The following TRPM3 variants were observed in gnomAD, a reference collection of about 807,000 sequenced individuals.
TRPM3 encodes transient receptor potential cation channel subfamily M member 3, also known as long transient receptor potential channel 3.
Under a neutral mutation model 181.2 loss-of-function variants are expected in TRPM3, and 77 were observed. That is an observed-to-expected ratio of 0.42 (90% CI 0.35 to 0.51). The LOEUF is 0.51. TRPM3 is among the 20% of genes least tolerant of loss of function. TRPM3 has a pLI of 0.01. For missense variants in TRPM3, 1,759 were observed against 2,196.7 expected (o/e 0.80, Z 3.98); for synonymous variants, 745 against 796.4 (o/e 0.94, Z 1.09).
intron 9 of TRPM3, among the ~76,000 whole-genome samples, chr9:70,669,073 G>A (rs1281519896): frequency 6.6e-6 from 1 of 152,214 alleles, no homozygotes; most frequent in Non-Finnish European, 1.5e-5. Context: ...TGAGGCACGA[G>A]AAAGTCACAG....
chr9:71,280,078 CAAAA>C (rs36019274), intron 1 of TRPM3, among the ~76,000 whole-genome samples: 1 of 105,730 alleles, frequency 9.5e-6, no homozygotes. Flanking sequence ...AACTCCATCT[CAAAA>C]AAAAAAAAAA....
rs939728189 is a variant in TRPM3, at chr9:70,697,488, T to C, written c.1273-15910A>G. Among the ~76,000 whole-genome samples the C allele has an allele frequency of 4.6e-5, 7 of 152,328 alleles. 1 individual carries two copies. Among genetic ancestry groups the C allele is most frequent in the Admixed American group, 4.6e-4 (7 of 15,298 alleles). ...TATCACTGAATAGTTGAGTTTATTC[T>C]CATTATTATTATGCCCATTGCACAA... On this transcript the variant is annotated intron_variant, in intron 8 of 25. Transcript: ENST00000677713.
chr9:71,272,477 T>C (rs1160856287), intron 1 of TRPM3, among the ~76,000 whole-genome samples: 1 of 152,204 alleles, frequency 6.6e-6, no homozygotes, highest in Non-Finnish European at 1.5e-5. Context: ...AGCTCATTTA[T>C]AAATTTATTC....
At chr9:71,193,935 C>T (rs572219773) in intron 1 of TRPM3, among the ~76,000 whole-genome samples, 8 of 151,940 alleles carry the variant, frequency 5.3e-5, no homozygotes, top group South Asian at 2.1e-4. Flanking sequence ...GATCACTCAG[C>T]GTGCACCCAA....
intron 1 of TRPM3, among the ~76,000 whole-genome samples, chr9:71,283,539 C>G (rs1279929518): frequency 6.6e-6 from 1 of 152,128 alleles, no homozygotes; most frequent in Admixed American, 6.5e-5. Flanking sequence ...CTCCTGACCT[C>G]GTGATCCCCC....
rs1764125037 is a variant in TRPM3 at position 71,034,851 on chromosome 9, C to T, written c.177+86327G>A. Reference sequence around the variant, plus strand: ...TTCAGTGTGATGTATATATGTATGTCCATATATATGTATATATGTATACAT... The same window carrying T: ...TTCAGTGTGATGTATATATGTATGTTCATATATATGTATATATGTATACAT... On this transcript the variant is annotated intron_variant, in intron 1 of 25. Coordinates refer to ENST00000677713, the MANE Select transcript of TRPM3 (RefSeq NM_001366145.2). Among the ~76,000 whole-genome samples the T allele has an allele frequency of 2.0e-5, 3 of 150,860 alleles. No homozygotes were observed. In the South Asian group the frequency reaches 6.3e-4, roughly 32 times the overall value.
chr9:71,284,873 G>A (rs1044719131), intron 1 of TRPM3, among the ~76,000 whole-genome samples: 3 of 152,146 alleles, frequency 2.0e-5, no homozygotes, highest in Non-Finnish European at 4.4e-5. Context: ...CTATTCCTAA[G>A]AAAGAATTGT....
intron 9 of TRPM3, among the ~76,000 whole-genome samples, chr9:70,669,480 C>A (rs1470203265): frequency 2.6e-5 from 4 of 152,048 alleles, no homozygotes; most frequent in African/African-American, 9.7e-5. Context: ...GAGTCCAGGC[C>A]CCATTCTCTC....
At chr9:71,347,613 C>T (rs564569871) in intron 1 of TRPM3, among the ~76,000 whole-genome samples, 1 of 152,120 alleles carries the variant, frequency 6.6e-6, no homozygotes, top group African/African-American at 2.4e-5. Flanking sequence ...TGTAATTTAA[C>T]ACGATATTTA....
chr9:71,431,405 T>A (rs1418257035), intron 1 of TRPM3, among the ~76,000 whole-genome samples: 1 of 152,184 alleles, frequency 6.6e-6, no homozygotes, highest in Non-Finnish European at 1.5e-5. Flanking sequence ...CTATTTTTAA[T>A]TTTTTTCATT....
chr9:71,090,579 C>T (rs767654502), intron 1 of TRPM3, among the ~76,000 whole-genome samples: 1 of 152,120 alleles, frequency 6.6e-6, no homozygotes, highest in African/African-American at 2.4e-5. Context: ...TTCCTCTTGC[C>T]TTGGCCAGTA....
intron 1 of TRPM3, among the ~76,000 whole-genome samples, chr9:71,408,428 A>C (rs1455656648): frequency 6.6e-6 from 1 of 152,230 alleles, no homozygotes; most frequent in Non-Finnish European, 1.5e-5. Flanking sequence ...TGGAGCTGAA[A>C]ACCATGGCAC....
At chr9:71,191,042 C>A (rs1271076717) in intron 1 of TRPM3, among the ~76,000 whole-genome samples, 1 of 151,832 alleles carries the variant, frequency 6.6e-6, no homozygotes, top group Non-Finnish European at 1.5e-5. Flanking sequence ...CCCATGTATT[C>A]CTTACCATAG....
At chr9:71,064,248 A>C (rs1452501891) in intron 1 of TRPM3, among the ~76,000 whole-genome samples, 1 of 152,082 alleles carries the variant, frequency 6.6e-6, no homozygotes, top group Non-Finnish European at 1.5e-5. Context: ...TATGTTGGCA[A>C]GTTAACACTG....
intron 1 of TRPM3, among the ~76,000 whole-genome samples, chr9:70,872,172 TC>T (rs2095800068): frequency 6.6e-6 from 1 of 151,962 alleles, no homozygotes; most frequent in Non-Finnish European, 1.5e-5. Context: ...GCAGTAATAT[TC>T]AACTCTTGTT....
chr9:71,248,638 G>C (rs2082169815), intron 1 of TRPM3, among the ~76,000 whole-genome samples: 1 of 152,174 alleles, frequency 6.6e-6, no homozygotes, highest in African/African-American at 2.4e-5. Context: ...GGCCAGAGGA[G>C]AGATAAAGTC....
intron 1 of TRPM3, among the ~76,000 whole-genome samples, chr9:70,992,420 C>T (rs1382125004): frequency 2.6e-5 from 4 of 152,112 alleles, no homozygotes; most frequent in East Asian, 1.9e-4. Context: ...GCCCCCAGCC[C>T]GTTCATTCAG....
At chr9:71,371,774 A>T (rs2132805207) in intron 1 of TRPM3, among the ~76,000 whole-genome samples, 1 of 152,354 alleles carries the variant, frequency 6.6e-6, no homozygotes, top group South Asian at 2.1e-4. Context: ...ATCACATGCC[A>T]TAGAGAACTC....
chr9:70,926,117 T>A (rs1236030438), intron 1 of TRPM3, among the ~76,000 whole-genome samples: 1 of 151,970 alleles, frequency 6.6e-6, no homozygotes, highest in South Asian at 2.1e-4. Context: ...CCATAAACCA[T>A]GCATAGGCTG....
Sources: allele counts gnomAD v4.1 joint callset (sites outside exome capture counted in the v4.1 genomes callset), GRCh38; gene constraint gnomAD v4.1.1; transcripts MANE v1.5; gene names NCBI Gene and HGNC (gene_info 2026-07-23, HGNC 2026-07-21).